The following TMCC1 variants were observed in gnomAD, a reference collection of about 807,000 sequenced individuals.
TMCC1 encodes the protein transmembrane and coiled-coil domains protein 1.
A neutral mutation model predicts 52.4 loss-of-function variants in TMCC1; 15 were observed. That is an observed-to-expected ratio of 0.29 (90% confidence interval 0.19 to 0.44). TMCC1 has a LOEUF of 0.44. TMCC1 is among the 20% of genes least tolerant of loss of function. TMCC1 has a pLI of 1.00. For missense variants in TMCC1, 503 were observed against 806.0 expected (o/e 0.62, Z 4.55); for synonymous variants, 279 against 301.9 (o/e 0.92, Z 0.79).
At chr3:129,761,004 C>T (rs1004969352) in intron 4 of TMCC1, among the ~76,000 whole-genome samples, 11 of 152,038 alleles carry the variant, frequency 7.2e-5, no homozygotes, top group African/African-American at 2.7e-4. Context: ...ATCCATGTAT[C>T]AGACAGAATA....
chr3:129,660,873 G>A (rs1283223540), intron 5 of TMCC1, among the ~76,000 whole-genome samples: 1 of 152,018 alleles, frequency 6.6e-6, no homozygotes, highest in Non-Finnish European at 1.5e-5. Context: ...CAAACTCCTG[G>A]GCTCAAGTGA....
intron 2 of TMCC1, among the ~76,000 whole-genome samples, chr3:129,876,666 C>G (rs2061228863): frequency 6.6e-6 from 1 of 151,508 alleles, no homozygotes; most frequent in African/African-American, 2.4e-5. Context: ...AAAAATAAAC[C>G]CTGAAGGGCT....
chr3:129,667,018 C>T (rs1257676823), intron 5 of TMCC1, among the ~76,000 whole-genome samples: 1 of 151,664 alleles, frequency 6.6e-6, no homozygotes, highest in Non-Finnish European at 1.5e-5. Flanking sequence ...TCTCCTGCCT[C>T]AGCCTCCCCC....
chr3:129,785,452 A>G (rs1383363113), intron 4 of TMCC1, among the ~76,000 whole-genome samples: 5 of 152,180 alleles, frequency 3.3e-5, no homozygotes, highest in African/African-American at 1.2e-4. Flanking sequence ...TCAAGTAATC[A>G]TTCACCACTA....
chr3:129,837,254 C>T (rs1344010276), intron 2 of TMCC1, among the ~76,000 whole-genome samples: 1 of 152,048 alleles, frequency 6.6e-6, no homozygotes, highest in Admixed American at 6.6e-5. Flanking sequence ...ACCAGAACAT[C>T]ACAGAACTCC....
chr3:129,890,005 C>T (rs1434322036), intron 1 of TMCC1, among the ~76,000 whole-genome samples: 2 of 151,268 alleles, frequency 1.3e-5, no homozygotes, highest in Non-Finnish European at 2.9e-5. Flanking sequence ...ATTAAAATGG[C>T]TGGGGCATGG....
At chr3:129,706,243 C>T (rs1370018907) in intron 4 of TMCC1, among the ~76,000 whole-genome samples, 1 of 151,714 alleles carries the variant, frequency 6.6e-6, no homozygotes, top group Non-Finnish European at 1.5e-5. Context: ...CTTGCTCTGT[C>T]ACCCAAATTG....
chr3:129,835,608 G>A (rs2059123924), intron 2 of TMCC1, among the ~76,000 whole-genome samples: 3 of 152,284 alleles, frequency 2.0e-5, no homozygotes, highest in East Asian at 3.9e-4. Context: ...GTCCAAGAGT[G>A]TAAAAGCGGC....
At chr3:129,697,623 C>T (rs898029602) in intron 4 of TMCC1, among the ~76,000 whole-genome samples, 1 of 152,184 alleles carries the variant, frequency 6.6e-6, no homozygotes, top group African/African-American at 2.4e-5. Context: ...TTCTGCATCA[C>T]CAGGCTGCAA....
At chr3:129,807,482 A>G (rs577015117) in intron 4 of TMCC1, among the ~76,000 whole-genome samples, 15 of 152,330 alleles carry the variant, frequency 9.8e-5, no homozygotes, top group African/African-American at 3.1e-4. Flanking sequence ...CTAAGGCTGC[A>G]TAGTACTGAG....
At chr3:129,711,025 G>A (rs572385886) in intron 4 of TMCC1, among the ~76,000 whole-genome samples, 5 of 152,096 alleles carry the variant, frequency 3.3e-5, no homozygotes, top group Non-Finnish European at 5.9e-5. Flanking sequence ...CACCATGCCC[G>A]GCTAATTTTT....
intron 4 of TMCC1, among the ~76,000 whole-genome samples, chr3:129,692,999 T>G (rs529732018): frequency 6.6e-6 from 1 of 152,236 alleles, no homozygotes; most frequent in Admixed American, 6.5e-5. Context: ...CACACCACCA[T>G]GCCCAGCTAA....
intron 2 of TMCC1, among the ~76,000 whole-genome samples, chr3:129,838,997 G>A (rs953350401): frequency 2.0e-5 from 3 of 151,902 alleles, no homozygotes; most frequent in Non-Finnish European, 2.9e-5. Context: ...TCCTTCATAC[G>A]TACAAAATAA....
At chr3:129,719,975 G>A (rs1166547374) in intron 4 of TMCC1, among the ~76,000 whole-genome samples, 1 of 152,058 alleles carries the variant, frequency 6.6e-6, no homozygotes, top group Non-Finnish European at 1.5e-5. Flanking sequence ...GAGCCCAGGA[G>A]TTTGAGACCA....
chr3:129,877,499 C>T (rs1177230108), intron 2 of TMCC1, among the ~76,000 whole-genome samples: 1 of 152,164 alleles, frequency 6.6e-6, no homozygotes, highest in Non-Finnish European at 1.5e-5. Context: ...AATTGGAGAT[C>T]TCATCCAGCT....
chr3:129,799,787 G>C (rs775888208), intron 4 of TMCC1, among the ~76,000 whole-genome samples: 3 of 152,162 alleles, frequency 2.0e-5, no homozygotes, highest in Non-Finnish European at 4.4e-5. Context: ...ACTCCAGCCT[G>C]GGCGACAGAG....
intron 4 of TMCC1, among the ~76,000 whole-genome samples, chr3:129,713,018 T>A (rs993327612): frequency 6.6e-6 from 1 of 152,060 alleles, no homozygotes; most frequent in South Asian, 2.1e-4. Flanking sequence ...TCCCAGCACT[T>A]TGGGGTGCCA....
intron 2 of TMCC1, among the ~76,000 whole-genome samples, chr3:129,872,865 T>C (rs371870578): frequency 4.6e-5 from 7 of 152,164 alleles, no homozygotes; most frequent in Admixed American, 1.3e-4. Flanking sequence ...ATTACTTCCA[T>C]TATTTACAAT....
At chr3:129,659,486 G>A (rs566197021) in intron 5 of TMCC1, among the ~76,000 whole-genome samples, 1 of 152,174 alleles carries the variant, frequency 6.6e-6, no homozygotes, top group Non-Finnish European at 1.5e-5. Context: ...GGGGGGCAAG[G>A]AGGTACACAA....
Sources: gnomAD v4.1 joint callset for allele counts (sites outside exome capture counted in the v4.1 genomes callset) on GRCh38, gnomAD v4.1.1 for gene constraint, MANE v1.5 for transcripts, NCBI Gene and HGNC (gene_info 2026-07-23, HGNC 2026-07-21) for gene names.